Variants in OR5B2 observed in about 807,000 individuals in gnomAD.
The protein encoded by OR5B2 is olfactory receptor 5B2.
For missense variants in OR5B2, 411 were observed against 367.0 expected (o/e 1.12, Z -0.98); for synonymous variants, 163 against 140.8 (o/e 1.16, Z -1.11).
chr11:58,427,319 C>T (rs1565158036), intron 1 of OR5B2, among the ~76,000 whole-genome samples: 1 of 152,118 alleles, frequency 6.6e-6, no homozygotes, highest in Non-Finnish European at 1.5e-5. Flanking sequence ...GTAATGTGAA[C>T]ATCTTCAGAA....
rs1338011372 is a variant in OR5B2, at chr11:58,421,770, T to C, written c.*562A>G. 1 of 152,156 alleles carries C rather than the reference T, an allele frequency of 6.6e-6. No individual in the cohort carries two copies. The highest frequency in any genetic ancestry group is 2.1e-4 in the South Asian group (1 of 4,828). The allele number at this position is 152,156 out of a possible 1,614,324, so 9.4% of individuals were successfully genotyped here. A position where few individuals can be genotyped will look rare whatever the true frequency, so the allele number is the denominator to read the frequency against. On this transcript the variant is annotated 3_prime_UTR_variant, in exon 3 of 3. Coordinates refer to ENST00000641342, the MANE Select transcript of OR5B2 (RefSeq NM_001005566.3). ...GATATTGACAATGAGGGAGGGTATA[T>C]GTATGTGGGGGCAGAAGGTATATGG...
intron 2 of OR5B2, among the ~76,000 whole-genome samples, chr11:58,424,256 A>G (rs1201218322): frequency 6.6e-6 from 1 of 152,176 alleles, no homozygotes; most frequent in Non-Finnish European, 1.5e-5. Flanking sequence ...TTATCGTTAG[A>G]ATGGAATGAT....
Position 58,422,639 on chromosome 11 carries a change from A to G in OR5B2, c.623T>C (p.Val208Ala), listed in dbSNP as rs10466659. 0.21 allele frequency: 345,751 copies of G among 1,612,762 alleles called. 37,858 individuals carry two copies. Among genetic ancestry groups the G allele is most frequent in the Middle Eastern group, 0.26 (1,587 of 6,056 alleles). ...VFMSSFNIFF[V>A]LLVIFISYLF... ...GTAGGAGATAAAGATAACTAGAAGA[A>G]CAAAAAAGATATTAAAGCTTGACAT... Residue 208 changes from valine to alanine, a missense_variant, in exon 3 of 3, where the codon GTT becomes GCT. Physicochemically the swap from Val to Ala is moderately conservative, Grantham distance 64. Transcript: ENST00000641342.
chr11:58,422,869 G>C lies in OR5B2; in HGVS notation c.393C>G (p.Thr131=), dbSNP rs780754161. The C allele has an allele frequency of 2.5e-6, 4 of 1,613,670 alleles. No homozygotes were observed. The African/African-American group carries it at 5.3e-5, about 22-fold the overall frequency. ...CACCTACACTGGCCGTCATGGTGGT[G>C]GTGTAGTGTAGGGGTTTGCACACTG... ...YAAVCKPLHY[T]TTMTASVGAC... Residue 131 remains threonine (T), a synonymous_variant, in exon 3 of 3, where the codon ACC becomes ACG. Coordinates refer to ENST00000641342, the MANE Select transcript of OR5B2 (RefSeq NM_001005566.3).
At chr11:58,423,643 GAACC>G (rs1385243179) in intron 2 of OR5B2, among the ~76,000 whole-genome samples, 2 of 152,060 alleles carry the variant, frequency 1.3e-5, no homozygotes, top group Non-Finnish European at 2.9e-5. Context: ...CACATACTGG[GAACC>G]GCTCTAGGCA....
chr11:58,422,187 A>G lies in OR5B2; in HGVS notation c.*145T>C, dbSNP rs1366402237. On this transcript the variant is annotated 3_prime_UTR_variant, in exon 3 of 3. Coordinates refer to ENST00000641342, the MANE Select transcript of OR5B2 (RefSeq NM_001005566.3). Reference sequence around the variant, plus strand: ...TTTCTGATAATATTTTATTTTTATTAAAAAATTGACTTCTAAAGAGGTAAG... The same window carrying G: ...TTTCTGATAATATTTTATTTTTATTGAAAAATTGACTTCTAAAGAGGTAAG... 2.0e-6 allele frequency: 1 copy of G among 498,494 alleles called. No individual in the cohort carries two copies. Among genetic ancestry groups the G allele is most frequent in the Non-Finnish European group, 3.5e-6 (1 of 282,232 alleles). 30.9% of individuals were successfully genotyped at this position (498,494 alleles called of 1,614,324 possible).
chr11:58,422,896 T>G lies in OR5B2; in HGVS notation c.366A>C (p.Ala122=). Residue 122 remains alanine (A), a synonymous_variant, in exon 3 of 3, where the codon GCA becomes GCC. Transcript: ENST00000641342. ...TGTAGTGTAGGGGTTTGCACACTGCTGCATAGCGGTCATAGGCCATTGAGG... is the reference window on the plus strand; with the variant it reads ...TGTAGTGTAGGGGTTTGCACACTGCGGCATAGCGGTCATAGGCCATTGAGG... ...LLASMAYDRY[A]AVCKPLHYTT... 6.2e-7 allele frequency: 1 copy of G among 1,613,828 alleles called. No individual in the cohort carries two copies. The highest frequency in any genetic ancestry group is 8.5e-7 in the Non-Finnish European group (1 of 1,179,864).
At chr11:58,424,592 G>A (rs1343924614) in intron 2 of OR5B2, among the ~76,000 whole-genome samples, 6 of 152,090 alleles carry the variant, frequency 3.9e-5, no homozygotes, top group Admixed American at 1.3e-4. Context: ...TGCATCGTTC[G>A]TGGGTTTCCT....
rs966182964 is a variant in OR5B2, at chr11:58,421,606, A to G, written c.*726T>C. Reference sequence around the variant, plus strand: ...TCAATATGATACTATAATGATAAATAGATGTCATTATACATTTATTCAAAT... The same window carrying G: ...TCAATATGATACTATAATGATAAATGGATGTCATTATACATTTATTCAAAT... On this transcript the variant is annotated 3_prime_UTR_variant, in exon 3 of 3. Transcript: ENST00000641342. The G allele has an allele frequency of 1.3e-5, 2 of 152,170 alleles. No individual in the cohort carries two copies. The highest frequency in any genetic ancestry group is 1.5e-5 in the Non-Finnish European group (1 of 68,018). The allele number at this position is 152,170 out of a possible 1,614,324, so 9.4% of individuals were successfully genotyped here.
In OR5B2 at chr11:58,426,686, G is replaced by A. The variant is rs1278745644; in HGVS notation, c.-83-10C>T. 2.6e-5 allele frequency: 4 copies of A among 152,066 alleles called. No homozygotes were observed. Among genetic ancestry groups the A allele is most frequent in the Admixed American group, 6.6e-5 (1 of 15,260 alleles). The allele number at this position is 152,066 out of a possible 1,614,324, so 9.4% of individuals were successfully genotyped here. ...CTTCAAATTGCAAGTCCTACTCAAA[G>A]AAGAAAGAAAAGCTCCTATTTAAGA... On this transcript the variant is annotated splice_polypyrimidine_tract_variant and intron_variant, in intron 1 of 2. Transcript: ENST00000641342.
intron 1 of OR5B2, among the ~76,000 whole-genome samples, chr11:58,427,725 T>A (rs1454260681): frequency 6.6e-6 from 1 of 152,134 alleles, no homozygotes; most frequent in Admixed American, 6.5e-5. Context: ...AGTCCCTCCA[T>A]ATGTGAGAGG....
Position 58,422,905 on chromosome 11 carries a change from G to A in OR5B2, c.357C>T (p.Asp119=), listed in dbSNP as rs765183702. The change falls in exon 3 of 3, where the codon GAC becomes GAT. Residue 119 remains aspartate, a synonymous_variant. Transcript: ENST00000641342. The stretch of plus-strand genomic sequence containing the variant: ...GGGGTTTGCACACTGCTGCATAGCG[G>A]TCATAGGCCATTGAGGCCAACAAGT... ...ENYLLASMAY[D]RYAAVCKPLH... The A allele has an allele frequency of 2.3e-5, 37 of 1,613,744 alleles. No homozygotes were observed. The South Asian group carries it at 3.8e-4, about 17-fold the overall frequency.
intron 1 of OR5B2, among the ~76,000 whole-genome samples, chr11:58,427,363 G>T (rs772079221): frequency 7.2e-5 from 11 of 152,182 alleles, no homozygotes; most frequent in Non-Finnish European, 1.2e-4. Flanking sequence ...GCAGAAATCA[G>T]ACAGAATCAT....
rs1036505150 is a variant in OR5B2 at position 58,422,029 on chromosome 11, T to C, written c.*303A>G. ...TGTTGGTGTCCCTGTTTAACAAGTA[T>C]GTTTGCACTGGAATGTGGTAGAAAA... On this transcript the variant is annotated 3_prime_UTR_variant, in exon 3 of 3. Transcript: ENST00000641342. 2 of 219,708 alleles carry C rather than the reference T, an allele frequency of 9.1e-6. No homozygotes were observed. Among genetic ancestry groups the C allele is most frequent in the Middle Eastern group, 1.9e-3 (1 of 536 alleles). 13.6% of individuals were successfully genotyped at this position (219,708 alleles called of 1,614,324 possible). A position where few individuals can be genotyped will look rare whatever the true frequency, so the allele number is the denominator to read the frequency against.
chr11:58,427,315 T>C (rs4594017), intron 1 of OR5B2, among the ~76,000 whole-genome samples: 32,931 of 152,024 alleles, frequency 0.22, 3,553 homozygotes, highest in Middle Eastern at 0.31. Context: ...CTTGGTAATG[T>C]GAACATCTTC....
At chr11:58,423,388 G>T in intron 2 of OR5B2, 99 bp from the exon 3 acceptor site, 1 of 552,602 alleles carries the variant, frequency 1.8e-6, no homozygotes, top group Non-Finnish European at 3.1e-6. Context: ...GCAACAATTT[G>T]TACTTCAAAA....
intron 1 of OR5B2, among the ~76,000 whole-genome samples, chr11:58,426,901 T>C (rs1565157945): frequency 6.6e-6 from 1 of 152,136 alleles, no homozygotes; most frequent in African/African-American, 2.4e-5. Context: ...GAAGGGATCA[T>C]CGTATCTGCA....
At position 58,423,136 on chromosome 11, in the gene OR5B2, C is replaced by T. The variant is rs1855300032; in HGVS notation, c.126G>A (p.Gly42=). The change falls in exon 3 of 3, where the codon GGG becomes GGA. Residue 42 remains glycine, a synonymous_variant. Coordinates refer to ENST00000641342, the MANE Select transcript of OR5B2 (RefSeq NM_001005566.3). ...AGTCCATCAGGATCAGCAACATCAT[C>T]CCCAGGTTCCCACACAGAGTGAGGA... ...IYLLTLCGNL[G]MMLLILMDSC... The T allele has an allele frequency of 1.2e-6, 2 of 1,613,506 alleles. No homozygotes were observed. The highest frequency in any genetic ancestry group is 1.7e-5 in the Admixed American group (1 of 59,912).
At position 58,425,772 on chromosome 11, in the gene OR5B2, A is replaced by G. The variant is rs146239861; in HGVS notation, c.-29+850T>C. Among the ~76,000 whole-genome samples, 3 of 152,268 alleles carry G rather than the reference A, an allele frequency of 2.0e-5. No individual in the cohort carries two copies. In the East Asian group the frequency reaches 5.8e-4, roughly 29 times the overall value. ...TTTTGCATACATTAGCTCATTTAGC[A>G]TAAAAAAATAGAAAGTAAAGGTGCA... On this transcript the variant is annotated intron_variant, in intron 2 of 2. Coordinates refer to ENST00000641342, the MANE Select transcript of OR5B2 (RefSeq NM_001005566.3).
Sources: allele counts gnomAD v4.1 joint callset (sites outside exome capture counted in the v4.1 genomes callset), GRCh38; gene constraint gnomAD v4.1.1; transcripts MANE v1.5; gene names NCBI Gene and HGNC (gene_info 2026-07-23, HGNC 2026-07-21).